The following FBXL7 variants were observed in gnomAD, a reference collection of about 807,000 sequenced individuals.
FBXL7 encodes F-box and leucine rich repeat protein 7.
Under a neutral mutation model 38.3 loss-of-function variants are expected in FBXL7, and 12 were observed. The ratio of observed to expected loss-of-function variants is 0.31; its 90% CI spans 0.20 to 0.51. The LOEUF is 0.51. Ranked by LOEUF, FBXL7 falls within the 20% of genes least tolerant of loss-of-function variation. The probability of loss-of-function intolerance (pLI) is 0.98; values close to 1 mark genes in which losing one functional copy is unlikely to be tolerated. For missense variants in FBXL7, 567 were observed against 676.4 expected, an observed-to-expected ratio of 0.84 and a Z score of 1.79; for synonymous variants, 297 against 300.9, an observed-to-expected ratio of 0.99 and a Z score of 0.13.
At chr5:15,679,644 A>G (rs1029712562) in intron 2 of FBXL7, among the ~76,000 whole-genome samples, 1 of 151,604 alleles carries the variant, frequency 6.6e-6, no homozygotes, top group African/African-American at 2.4e-5. Flanking sequence ...AAGTTGTGGA[A>G]AATTACATTT....
chr5:15,592,121 T>C (rs1430432820), intron 1 of FBXL7, among the ~76,000 whole-genome samples: 2 of 152,134 alleles, frequency 1.3e-5, no homozygotes, highest in South Asian at 2.1e-4. Context: ...CAAGTCTACA[T>C]TGGACACCTA....
At chr5:15,691,960 A>C (rs1463403286) in intron 2 of FBXL7, among the ~76,000 whole-genome samples, 5 of 152,172 alleles carry the variant, frequency 3.3e-5, no homozygotes, top group African/African-American at 4.8e-5. Flanking sequence ...ATAAACAGCA[A>C]TCATATAAGA....
intron 2 of FBXL7, among the ~76,000 whole-genome samples, chr5:15,671,807 A>C (rs1432718336): frequency 1.3e-5 from 2 of 152,236 alleles, no homozygotes. Context: ...AAGAATGTCA[A>C]GATCCAACTT....
intron 2 of FBXL7, among the ~76,000 whole-genome samples, chr5:15,714,522 C>A (rs1175000478): frequency 6.7e-6 from 1 of 150,086 alleles, no homozygotes; most frequent in Non-Finnish European, 1.5e-5. Context: ...ACACAATGTA[C>A]AATATGGAAT....
intron 1 of FBXL7, among the ~76,000 whole-genome samples, chr5:15,512,780 T>C (rs558884369): frequency 6.6e-4 from 101 of 152,332 alleles, no homozygotes; most frequent in Non-Finnish European, 1.1e-3. Context: ...ATGATTAGTA[T>C]TGAGTAGAAT....
intron 1 of FBXL7, among the ~76,000 whole-genome samples, chr5:15,525,009 G>A (rs753990161): frequency 1.8e-4 from 27 of 152,208 alleles, no homozygotes; most frequent in Non-Finnish European, 3.2e-4. Flanking sequence ...TCCATCACAT[G>A]TGTTTATCAT....
intron 2 of FBXL7, among the ~76,000 whole-genome samples, chr5:15,832,367 A>T (rs1355242705): frequency 6.6e-6 from 1 of 152,182 alleles, no homozygotes; most frequent in Admixed American, 6.5e-5. Flanking sequence ...AATGACACTC[A>T]CTAGGGAATA....
intron 2 of FBXL7, among the ~76,000 whole-genome samples, chr5:15,695,083 C>A (rs897251182): frequency 5.9e-5 from 9 of 152,158 alleles, no homozygotes; most frequent in Admixed American, 5.2e-4. Flanking sequence ...TCATAAAGAT[C>A]AGGATTAGGA....
intron 1 of FBXL7, among the ~76,000 whole-genome samples, chr5:15,539,464 G>A (rs560423972): frequency 6.6e-6 from 1 of 152,260 alleles, no homozygotes; most frequent in South Asian, 2.1e-4. Context: ...CTCTTTTTAA[G>A]CAGATTGTAA....
At chr5:15,759,711 C>A (rs946206867) in intron 2 of FBXL7, among the ~76,000 whole-genome samples, 4 of 152,072 alleles carry the variant, frequency 2.6e-5, no homozygotes, top group African/African-American at 7.2e-5. Flanking sequence ...TGCATTCATT[C>A]ATTTATTTTT....
At position 15,864,550 on chromosome 5, in the gene FBXL7, C is replaced by T. The variant is rs187711201; in HGVS notation, c.128-63340C>T. ...ACTGATGGTCTATTGACTAGAGTTACGGATGGGTATTGAGGACTGCGAGGT... is the reference window on the plus strand; with the variant it reads ...ACTGATGGTCTATTGACTAGAGTTATGGATGGGTATTGAGGACTGCGAGGT... On this transcript the variant is annotated intron_variant, in intron 2 of 3. Transcript: ENST00000504595. 4.6e-3 allele frequency among the ~76,000 whole-genome samples: 699 copies of T among 152,164 alleles called. 4 individuals are homozygous for T. The highest frequency in any genetic ancestry group is 0.016 in the African/African-American group (670 of 41,520).
At position 15,939,122 on chromosome 5, in the gene FBXL7, T is replaced by C; in HGVS notation, c.*1936T>C. ...AGGTGGTGTCTGCCCAGGAGGTTTC[T>C]TTCAAACATCATGGCCTCCCATCCA... On this transcript the variant is annotated 3_prime_UTR_variant, in exon 4 of 4. Transcript: ENST00000504595. 1 of 398,950 alleles carries C rather than the reference T, an allele frequency of 2.5e-6. No individual in the cohort carries two copies. The highest frequency in any genetic ancestry group is 4.4e-6 in the Non-Finnish European group (1 of 226,032). 24.7% of individuals were successfully genotyped at this position (398,950 alleles called of 1,614,324 possible).
At chr5:15,803,147 T>C (rs980753035) in intron 2 of FBXL7, among the ~76,000 whole-genome samples, 5 of 152,184 alleles carry the variant, frequency 3.3e-5, no homozygotes, top group African/African-American at 1.2e-4. Flanking sequence ...GACCACCTGA[T>C]TTGGAAATCA....
Position 15,808,038 on chromosome 5 carries a change from C to CA in FBXL7, c.128-119851dup, listed in dbSNP as rs1221487652. 6.6e-5 allele frequency among the ~76,000 whole-genome samples: 10 copies of CA among 152,124 alleles called. 1 individual carries two copies. Among genetic ancestry groups the CA allele is most frequent in the Admixed American group, 6.5e-4 (10 of 15,286 alleles). On this transcript the variant is annotated intron_variant, in intron 2 of 3. Coordinates refer to ENST00000504595, the MANE Select transcript of FBXL7 (RefSeq NM_012304.5). The stretch of plus-strand genomic sequence containing the variant: ...CCCGTGACCGTAGACCAGGATTTGG[C>CA]AGTTGAGACAACACTGCCTTTCCAG...
At chr5:15,739,495 C>CTT (rs200048993) in intron 2 of FBXL7, among the ~76,000 whole-genome samples, 1 of 151,210 alleles carries the variant, frequency 6.6e-6, no homozygotes, top group African/African-American at 2.4e-5. Flanking sequence ...AATTTTAGAA[C>CTT]TTTTTTTTAT....
chr5:15,749,454 A>G (rs1193417873), intron 2 of FBXL7, among the ~76,000 whole-genome samples: 4 of 151,408 alleles, frequency 2.6e-5, no homozygotes, highest in African/African-American at 4.9e-5. Context: ...GTGAAACCCC[A>G]TCTCTGTTAA....
intron 1 of FBXL7, among the ~76,000 whole-genome samples, chr5:15,568,237 T>C (rs1369683544): frequency 2.6e-5 from 4 of 151,962 alleles, no homozygotes; most frequent in Admixed American, 6.6e-5. Flanking sequence ...TTCCTATTTC[T>C]CCACATCCTC....
intron 1 of FBXL7, among the ~76,000 whole-genome samples, chr5:15,573,877 C>T (rs530242602): frequency 7.7e-4 from 117 of 152,224 alleles, no homozygotes; most frequent in Admixed American, 6.0e-3. Flanking sequence ...GTACCACTTC[C>T]GTCAGCAACC....
intron 2 of FBXL7, among the ~76,000 whole-genome samples, chr5:15,690,731 C>A (rs1743156062): frequency 6.6e-6 from 1 of 152,132 alleles, no homozygotes; most frequent in African/African-American, 2.4e-5. Flanking sequence ...TATGTGAAAT[C>A]TGAAATAGTG....
Sources: gnomAD v4.1 joint callset for allele counts (sites outside exome capture counted in the v4.1 genomes callset) on GRCh38, gnomAD v4.1.1 for gene constraint, MANE v1.5 for transcripts, NCBI Gene and HGNC (gene_info 2026-07-23, HGNC 2026-07-21) for gene names.